Variants in GALNT10 observed in about 807,000 individuals in gnomAD.
The protein encoded by GALNT10 is polypeptide N-acetylgalactosaminyltransferase 10.
Under a neutral mutation model 75.0 loss-of-function variants are expected in GALNT10, and 41 were observed. That is an observed-to-expected ratio of 0.55 (90% confidence interval 0.43 to 0.71). The LOEUF is 0.71. Ranked by LOEUF, GALNT10 falls within the 30% of genes least tolerant of loss-of-function variation. The pLI, the probability that GALNT10 is intolerant of heterozygous loss-of-function variation, is 0.00. For missense variants in GALNT10, 727 were observed against 818.5 expected (o/e 0.89, Z 1.36); for synonymous variants, 302 against 313.0 (o/e 0.96, Z 0.37).
chr5:154,367,390 C>T (rs1755492244), intron 4 of GALNT10, among the ~76,000 whole-genome samples: 1 of 152,082 alleles, frequency 6.6e-6, no homozygotes, highest in South Asian at 2.1e-4. Context: ...GACCTTTTCT[C>T]ACTTGAAGGT....
Position 154,366,940 on chromosome 5 carries a change from CAGGATCAAGTGGGCCACCTTTTA to C in GALNT10, c.569-9335_569-9313del, listed in dbSNP as rs1274998941. 2.6e-5 allele frequency among the ~76,000 whole-genome samples: 4 copies of C among 152,280 alleles called. No individual in the cohort carries two copies. In the East Asian group the frequency reaches 7.7e-4, roughly 29 times the overall value. On this transcript the variant is annotated intron_variant, in intron 4 of 11. Coordinates refer to ENST00000297107, the MANE Select transcript of GALNT10 (RefSeq NM_198321.4). ...GGCCGTGGCAGAGGACCACCTGTCT[CAGGATCAAGTGGGCCACCTTTTA>C]ACATTATAGGTTCCAGGCTGTGCCC...
At chr5:154,343,000 G>A (rs145547405) in intron 4 of GALNT10, among the ~76,000 whole-genome samples, 23 of 152,280 alleles carry the variant, frequency 1.5e-4, no homozygotes, top group African/African-American at 5.3e-4. Flanking sequence ...TGTGTTTTAT[G>A]TGACAAGATC....
chr5:154,277,537 A>T (rs933075170), intron 1 of GALNT10, among the ~76,000 whole-genome samples: 5 of 152,080 alleles, frequency 3.3e-5, no homozygotes, highest in Non-Finnish European at 7.4e-5. Flanking sequence ...CCACTTTCAC[A>T]ATCTACTATA....
chr5:154,414,257 G>A (rs1756459362), intron 10 of GALNT10, among the ~76,000 whole-genome samples: 1 of 152,118 alleles, frequency 6.6e-6, no homozygotes, highest in Non-Finnish European at 1.5e-5. Context: ...CCACTCCTAG[G>A]TATTTATCCA....
intron 7 of GALNT10, among the ~76,000 whole-genome samples, chr5:154,400,074 G>T (rs903884908): frequency 1.3e-5 from 2 of 152,158 alleles, no homozygotes; most frequent in Non-Finnish European, 2.9e-5. Flanking sequence ...TGAGGTCAAG[G>T]CTTCAGTAAG....
chr5:154,312,886 T>C (rs1283552076), intron 3 of GALNT10, among the ~76,000 whole-genome samples: 3 of 152,256 alleles, frequency 2.0e-5, no homozygotes, highest in South Asian at 2.1e-4. Flanking sequence ...AGAGTTCCTC[T>C]TTCCTGCTGT....
intron 1 of GALNT10, chr5:154,217,865 C>A (rs1241751169): frequency 2.1e-5 from 6 of 291,164 alleles, no homozygotes; most frequent in Non-Finnish European, 3.1e-5. Flanking sequence ...TGTAAGAGCT[C>A]AAAAATAGCT....
At chr5:154,273,508 G>T (rs1317340216) in intron 1 of GALNT10, among the ~76,000 whole-genome samples, 1 of 152,140 alleles carries the variant, frequency 6.6e-6, no homozygotes, top group African/African-American at 2.4e-5. Flanking sequence ...AGAGAGGGTT[G>T]CCAGGAGCAT....
rs1756412379 is a variant in GALNT10 at position 154,412,259 on chromosome 5, A to T, written c.1387-630A>T. Among the ~76,000 whole-genome samples the T allele has an allele frequency of 6.6e-6, 1 of 152,216 alleles. No individual in the cohort carries two copies. The highest frequency in any genetic ancestry group is 1.5e-5 in the Non-Finnish European group (1 of 68,022). ...CTAGCACAATGGCCTGCCCACAGTA[A>T]GTGCCCAATCGGTATTTGTTGGCTA... On this transcript the variant is annotated intron_variant, in intron 9 of 11. Transcript: ENST00000297107. The surrounding 1 kb of genome is among the most constrained non-coding windows in gnomAD (Gnocchi z 4.2).
chr5:154,356,413 G>A (rs533328358), intron 4 of GALNT10: 73 of 311,646 alleles, frequency 2.3e-4, no homozygotes, highest in South Asian at 1.8e-3. Flanking sequence ...GGGATCTGAG[G>A]TGTGGCAGGG....
intron 1 of GALNT10, among the ~76,000 whole-genome samples, chr5:154,258,592 TAG>T (rs1291433696): frequency 6.6e-6 from 1 of 152,230 alleles, no homozygotes; most frequent in Non-Finnish European, 1.5e-5. Flanking sequence ...TCACTGATTC[TAG>T]CCTGTGACCC....
chr5:154,346,695 A>C (rs1755128227), intron 4 of GALNT10, among the ~76,000 whole-genome samples: 1 of 152,178 alleles, frequency 6.6e-6, no homozygotes, highest in East Asian at 1.9e-4. Flanking sequence ...TGCTTTTATA[A>C]CAGTGTAAAT....
At chr5:154,307,575 G>A (rs542209938) in intron 3 of GALNT10, among the ~76,000 whole-genome samples, 5 of 149,152 alleles carry the variant, frequency 3.4e-5, no homozygotes, top group South Asian at 2.1e-4. Flanking sequence ...AGTCGAGATC[G>A]CACCACTGCA....
At chr5:154,208,583 A>G (rs1254064718) in intron 1 of GALNT10, among the ~76,000 whole-genome samples, 1 of 152,226 alleles carries the variant, frequency 6.6e-6, no homozygotes, top group African/African-American at 2.4e-5. Context: ...AAACACTTGG[A>G]ATAGTGCCCG....
chr5:154,282,256 A>G (rs1254040458), intron 1 of GALNT10, among the ~76,000 whole-genome samples: 1 of 152,220 alleles, frequency 6.6e-6, no homozygotes, highest in South Asian at 2.1e-4. Flanking sequence ...CAGAGCTCTC[A>G]TGAGCTAATC....
intron 4 of GALNT10, among the ~76,000 whole-genome samples, chr5:154,336,348 C>T (rs1754945577): frequency 6.6e-6 from 1 of 152,114 alleles, no homozygotes; most frequent in African/African-American, 2.4e-5. Flanking sequence ...TAGGTAAATG[C>T]CAAGGAGTGT....
At chr5:154,346,096 G>A (rs1197657020) in intron 4 of GALNT10, among the ~76,000 whole-genome samples, 1 of 151,340 alleles carries the variant, frequency 6.6e-6, no homozygotes, top group Admixed American at 6.6e-5. Flanking sequence ...CACCATGCCT[G>A]GCTATTTCCT....
intron 8 of GALNT10, among the ~76,000 whole-genome samples, chr5:154,405,662 G>A (rs924332182): frequency 1.3e-5 from 2 of 152,120 alleles, no homozygotes; most frequent in African/African-American, 4.8e-5. Context: ...TTCCTCTGCA[G>A]AGCTGTTGTT....
At position 154,367,871 on chromosome 5, in the gene GALNT10, A is replaced by G. The variant is rs113756058; in HGVS notation, c.569-8406A>G. 6.5e-3 allele frequency among the ~76,000 whole-genome samples: 985 copies of G among 152,016 alleles called. 13 individuals are homozygous for G. The highest frequency in any genetic ancestry group is 0.023 in the African/African-American group (937 of 41,460). The stretch of plus-strand genomic sequence containing the variant: ...AGACTCCGTCTCAAAAAAAAAAAAA[A>G]AGAGAGAGACTCAGTCTCAAAAAAA... On this transcript the variant is annotated intron_variant, in intron 4 of 11. Transcript: ENST00000297107.
Sources: allele counts gnomAD v4.1 joint callset (sites outside exome capture counted in the v4.1 genomes callset), GRCh38; gene constraint gnomAD v4.1.1; non-coding constraint Gnocchi (gnomAD v3.1); transcripts MANE v1.5; gene names NCBI Gene and HGNC (gene_info 2026-07-23, HGNC 2026-07-21).